GABRB1: variants seen among roughly 807,000 people sequenced by gnomAD.
GABRB1 encodes the protein gamma-aminobutyric acid type A receptor subunit beta1.
A neutral mutation model predicts 51.6 loss-of-function variants in GABRB1; 17 were observed. The ratio of observed to expected loss-of-function variants is 0.33; its 90% CI spans 0.23 to 0.49. The LOEUF (loss-of-function observed/expected upper bound fraction) is 0.49, where lower values mean the gene tolerates loss of function less well. Among genes scored for constraint, GABRB1 ranks in the 20% least tolerant of loss-of-function variants. The pLI, the probability that GABRB1 is intolerant of heterozygous loss-of-function variation, is 0.99. For synonymous variants in GABRB1, 247 were observed against 218.9 expected (o/e 1.13, Z -1.14); for missense variants, 410 against 600.6 (o/e 0.68, Z 3.32).
At chr4:47,273,001 C>A (rs887989787) in intron 4 of GABRB1, among the ~76,000 whole-genome samples, 2 of 151,128 alleles carry the variant, frequency 1.3e-5, no homozygotes, top group Non-Finnish European at 2.9e-5. Flanking sequence ...CTGTAGTGAA[C>A]TCTCGTTTAT....
At chr4:47,170,846 T>A (rs979245416) in intron 4 of GABRB1, among the ~76,000 whole-genome samples, 1 of 152,148 alleles carries the variant, frequency 6.6e-6, no homozygotes, top group African/African-American at 2.4e-5. Context: ...AGTGTTGATA[T>A]TCCCCTCACA....
intron 4 of GABRB1, among the ~76,000 whole-genome samples, chr4:47,228,768 A>G (rs1721040398): frequency 6.6e-6 from 1 of 152,116 alleles, no homozygotes; most frequent in African/African-American, 2.4e-5. Flanking sequence ...AGTTGTTTGT[A>G]TCCTCCCGTG....
intron 4 of GABRB1, among the ~76,000 whole-genome samples, chr4:47,173,099 C>T (rs184463044): frequency 2.6e-5 from 4 of 152,070 alleles, no homozygotes; most frequent in Admixed American, 6.6e-5. Context: ...CATGTAAATT[C>T]TATTTTTTAA....
At chr4:47,108,329 G>T (rs972097889) in intron 3 of GABRB1, among the ~76,000 whole-genome samples, 4 of 152,032 alleles carry the variant, frequency 2.6e-5, no homozygotes, top group Non-Finnish European at 5.9e-5. Flanking sequence ...AAATAAATGG[G>T]AAAGGAGTAA....
intron 5 of GABRB1, among the ~76,000 whole-genome samples, chr4:47,371,370 C>T (rs958294940): frequency 7.9e-5 from 12 of 152,102 alleles, no homozygotes; most frequent in Admixed American, 7.9e-4. Flanking sequence ...CATGTCTTTG[C>T]CATTATGAAT....
At chr4:47,414,233 A>G (rs1728845020) in intron 8 of GABRB1, among the ~76,000 whole-genome samples, 1 of 152,166 alleles carries the variant, frequency 6.6e-6, no homozygotes, top group Non-Finnish European at 1.5e-5. Flanking sequence ...AAGGTTGAGG[A>G]TGAGTGCCTA....
chr4:47,263,143 T>C (rs1384596123), intron 4 of GABRB1, among the ~76,000 whole-genome samples: 2 of 151,590 alleles, frequency 1.3e-5, no homozygotes, highest in African/African-American at 4.9e-5. Context: ...TGTATACATA[T>C]GTAACTAACC....
intron 3 of GABRB1, among the ~76,000 whole-genome samples, chr4:47,035,651 C>T (rs920540389): frequency 1.3e-5 from 2 of 152,088 alleles, no homozygotes; most frequent in African/African-American, 4.8e-5. Flanking sequence ...GACACACACA[C>T]ACATACACAC....
intron 1 of GABRB1, chr4:46,994,168 A>G (rs1346801457): frequency 6.6e-6 from 1 of 152,142 alleles, no homozygotes; most frequent in Non-Finnish European, 1.5e-5. Context: ...TCGCCAAACT[A>G]TTGGGAAGTG....
At chr4:47,087,075 C>T (rs984707115) in intron 3 of GABRB1, among the ~76,000 whole-genome samples, 1 of 152,174 alleles carries the variant, frequency 6.6e-6, no homozygotes, top group Non-Finnish European at 1.5e-5. Flanking sequence ...CAAAATGCTT[C>T]GTGGATTTCC....
intron 3 of GABRB1, among the ~76,000 whole-genome samples, chr4:47,148,459 G>A (rs950212519): frequency 2.0e-5 from 3 of 152,054 alleles, no homozygotes; most frequent in African/African-American, 4.8e-5. Context: ...TAGCCTCTAA[G>A]CACATAACAA....
At chr4:47,073,380 A>G (rs1727422051) in intron 3 of GABRB1, among the ~76,000 whole-genome samples, 1 of 152,292 alleles carries the variant, frequency 6.6e-6, no homozygotes, top group African/African-American at 2.4e-5. Flanking sequence ...TTGAGAAAAT[A>G]CTCTCAGTTA....
chr4:47,283,345 C>G (rs923983759), intron 4 of GABRB1, among the ~76,000 whole-genome samples: 4 of 122,510 alleles, frequency 3.3e-5, no homozygotes, highest in Non-Finnish European at 6.4e-5. Flanking sequence ...ATGTTCCATA[C>G]CTGGTGGCCC....
chr4:47,048,073 A>T (rs1202755304), intron 3 of GABRB1, among the ~76,000 whole-genome samples: 1 of 152,146 alleles, frequency 6.6e-6, no homozygotes, highest in African/African-American at 2.4e-5. Context: ...AATTTCTCTT[A>T]ACATCTTTCC....
chr4:47,137,119 C>T (rs1716695589), intron 3 of GABRB1, among the ~76,000 whole-genome samples: 1 of 152,072 alleles, frequency 6.6e-6, no homozygotes, highest in Admixed American at 6.6e-5. Flanking sequence ...GGCTTAAAGA[C>T]TCAAATATTG....
chr4:47,088,977 G>T (rs1247612792), intron 3 of GABRB1, among the ~76,000 whole-genome samples: 1 of 152,166 alleles, frequency 6.6e-6, no homozygotes, highest in Non-Finnish European at 1.5e-5. Flanking sequence ...GACTCCATCT[G>T]CTGGACTTTT....
rs199819422 is a variant in GABRB1, at chr4:47,031,685, C to T, written c.34C>T (p.Leu12Phe). 1.4e-5 allele frequency: 22 copies of T among 1,610,700 alleles called. No individual in the cohort carries two copies. Among genetic ancestry groups the T allele is most frequent in the Non-Finnish European group, 1.9e-5 (22 of 1,176,974 alleles). Residue 12 changes from leucine (L) to phenylalanine (F), a missense_variant, in exon 1 of 9, where the codon CTT (leucine) becomes TTT (phenylalanine). Physicochemically the swap from Leu to Phe is conservative, Grantham distance 22 (BLOSUM62 0). Transcript: ENST00000295454. ...WTVQNRESLG[L>F]LSFPVMITMV... ...AGTACAAAATCGAGAGAGTCTGGGG[C>T]TTCTCTCTTTCCCTGTGATGATTAC... is the stretch of plus-strand genomic sequence containing the variant.
intron 5 of GABRB1, among the ~76,000 whole-genome samples, chr4:47,371,134 ATG>A (rs1187878164): frequency 8.0e-6 from 1 of 125,444 alleles, no homozygotes; most frequent in Non-Finnish European, 1.6e-5. Context: ...TCCCCACCAT[ATG>A]TCCATGTGTT....
intron 3 of GABRB1, among the ~76,000 whole-genome samples, chr4:47,092,334 G>C (rs1393997208): frequency 6.6e-6 from 1 of 150,718 alleles, no homozygotes; most frequent in African/African-American, 2.4e-5. Context: ...CACCACGCCT[G>C]GACAATTTTT....
Sources: gnomAD v4.1 joint callset for allele counts (sites outside exome capture counted in the v4.1 genomes callset) on GRCh38, gnomAD v4.1.1 for gene constraint, MANE v1.5 for transcripts, NCBI Gene and HGNC (gene_info 2026-07-23, HGNC 2026-07-21) for gene names.